FANCA: variants seen among roughly 807,000 people sequenced by gnomAD.
FANCA encodes FA complementation group A.
A neutral mutation model predicts 194.3 loss-of-function variants in FANCA; 236 were observed. That is an observed-to-expected ratio of 1.21 (90% CI 1.09 to 1.35). FANCA has a LOEUF of 1.35. Among genes scored for constraint, FANCA ranks in the 40% most tolerant of loss-of-function variants. The pLI, the probability that FANCA is intolerant of heterozygous loss-of-function variation, is 0.00. For missense variants in FANCA, 2,628 were observed against 1,813.9 expected, an observed-to-expected ratio of 1.45 and a Z score of -8.15; for synonymous variants, 1,014 against 715.8, an observed-to-expected ratio of 1.42 and a Z score of -6.65.
chr16:89,816,604 C>G lies in FANCA; in HGVS notation c.12G>C (p.Ser4=), dbSNP rs1009539881. ...GGCCCGAGGCGGAGTTCGGGACCCACGAGTCGGACATGGCCTTGGCGCCTA... is the reference window on the plus strand; with the variant it reads ...GGCCCGAGGCGGAGTTCGGGACCCAGGAGTCGGACATGGCCTTGGCGCCTA... MSD[S]WVPNSASGQD... The change falls in exon 1 of 43, where the codon TCG becomes TCC. Residue 4 remains serine, a synonymous_variant. Transcript: ENST00000389301. The G allele has an allele frequency of 5.9e-6, 9 of 1,526,130 alleles. No homozygotes were observed. Among genetic ancestry groups the G allele is most frequent in the East Asian group, 2.5e-5 (1 of 39,494 alleles). The allele number at this position is 1,526,130 out of a possible 1,614,324, so 94.5% of individuals were successfully genotyped here.
chr16:89,739,781 C>G, intron 39 of FANCA: 3 of 1,468,556 alleles, frequency 2.0e-6, no homozygotes, highest in South Asian at 1.4e-5. Context: ...GAGGCAGTCC[C>G]CATGATAGGC....
chr16:89,811,609 C>T (rs2040883094), intron 3 of FANCA, among the ~76,000 whole-genome samples: 1 of 152,164 alleles, frequency 6.6e-6, no homozygotes, highest in South Asian at 2.1e-4. Context: ...CAGGCAGCCA[C>T]CATTCTCCTG....
chr16:89,786,529 C>T (rs2039903810), intron 14 of FANCA, among the ~76,000 whole-genome samples: 1 of 152,118 alleles, frequency 6.6e-6, no homozygotes, highest in South Asian at 2.1e-4. Flanking sequence ...GTTGGCCAGG[C>T]TGGTCTCAAA....
chr16:89,741,119 A>C (rs1238470089), intron 37 of FANCA, among the ~76,000 whole-genome samples: 1 of 152,262 alleles, frequency 6.6e-6, no homozygotes, highest in Non-Finnish European at 1.5e-5. Flanking sequence ...AAGAGCCAGA[A>C]AGAGAAGACT....
chr16:89,805,908 G>A (rs1362179300), intron 6 of FANCA, among the ~76,000 whole-genome samples: 1 of 151,392 alleles, frequency 6.6e-6, no homozygotes, highest in Non-Finnish European at 1.5e-5. Flanking sequence ...TTGTTTTATG[G>A]CCTGAACCTT....
chr16:89,738,530 A>G lies in FANCA; in HGVS notation c.*71T>C. On this transcript the variant is annotated 3_prime_UTR_variant, in exon 43 of 43. Transcript: ENST00000389301. ...TTTGTAATCCACTTTTTAGTGCAACAAGAGCTCCATGTTATGCTTGTAATA... is the reference window on the plus strand; with the variant it reads ...TTTGTAATCCACTTTTTAGTGCAACGAGAGCTCCATGTTATGCTTGTAATA... 1 of 1,605,348 alleles carries G rather than the reference A, an allele frequency of 6.2e-7. No homozygotes were observed. Among genetic ancestry groups the G allele is most frequent in the Middle Eastern group, 2.2e-4 (1 of 4,572 alleles).
At chr16:89,770,508 G>C (rs2039286397) in intron 24 of FANCA, 56 bp downstream of exon 24, 1 of 1,502,666 alleles carries the variant, frequency 6.7e-7, no homozygotes, top group Admixed American at 1.9e-5. Flanking sequence ...ACTTGGCCCA[G>C]CAAGAGGTGG....
intron 26 of FANCA, among the ~76,000 whole-genome samples, chr16:89,768,524 T>C (rs2039207712): frequency 6.6e-6 from 1 of 152,010 alleles, no homozygotes; most frequent in African/African-American, 2.4e-5. Flanking sequence ...GGCATGGTGG[T>C]GCACACCTGT....
intron 28 of FANCA, among the ~76,000 whole-genome samples, chr16:89,763,358 T>C (rs978481201): frequency 6.6e-6 from 1 of 151,986 alleles, no homozygotes; most frequent in East Asian, 1.9e-4. Flanking sequence ...GAAGGATCAC[T>C]TTTTCCTATT....
chr16:89,790,881 G>A (rs566375348), intron 14 of FANCA, among the ~76,000 whole-genome samples: 47 of 151,820 alleles, frequency 3.1e-4, no homozygotes, highest in African/African-American at 7.7e-4. Context: ...CCAGGCTGGC[G>A]TACAGTGGTG....
At chr16:89,799,894 T>C (rs908654669) in intron 8 of FANCA, among the ~76,000 whole-genome samples, 12 of 152,286 alleles carry the variant, frequency 7.9e-5, no homozygotes, top group Admixed American at 3.3e-4. Context: ...CTCGGGAGGC[T>C]GAGGCAGGAG....
rs906196155 is a variant in FANCA at position 89,779,587 on chromosome 16, C to A, written c.1715+282G>T. On this transcript the variant is annotated intron_variant, in intron 18 of 42. Transcript: ENST00000389301. ...TTACAGAGGAAAAAATGTTTCACAG[C>A]AAATGCACAGCTCTTGACCTCACCC... Among the ~76,000 whole-genome samples the A allele has an allele frequency of 6.6e-5, 10 of 152,310 alleles. No homozygotes were observed. The East Asian group carries it at 1.9e-3, about 29-fold the overall frequency.
At chr16:89,787,159 T>A (rs576268451) in intron 14 of FANCA, among the ~76,000 whole-genome samples, 248 of 152,350 alleles carry the variant, frequency 1.6e-3, no homozygotes, top group African/African-American at 5.7e-3. Context: ...CTGGGTGCAG[T>A]GGCTCAATCC....
intron 8 of FANCA, among the ~76,000 whole-genome samples, chr16:89,799,968 C>T (rs1022511885): frequency 6.6e-6 from 1 of 152,082 alleles, no homozygotes; most frequent in Admixed American, 6.6e-5. Context: ...CAGTCCGGCC[C>T]GGGCGAAAGA....
Position 89,807,251 on chromosome 16 carries a change from G to T in FANCA, c.596+1043C>A, listed in dbSNP as rs957001017. On this transcript the variant is annotated intron_variant, in intron 6 of 42. Transcript: ENST00000389301. Reference sequence around the variant, plus strand: ...AGGCGGGAGGATCACAAGATCAGGAGTTCGAGACCAGCCTAGCCAACATGG... The same window carrying T: ...AGGCGGGAGGATCACAAGATCAGGATTTCGAGACCAGCCTAGCCAACATGG... Among the ~76,000 whole-genome samples the T allele has an allele frequency of 3.3e-5, 5 of 150,488 alleles. No individual in the cohort carries two copies. In the South Asian group the frequency reaches 1.1e-3, roughly 32 times the overall value.
rs2038969419 is a variant in FANCA, at chr16:89,762,012, T to C, written c.2789A>G (p.Gln930Arg). Residue 930 changes from glutamine (Q) to arginine (R), a missense_variant, in exon 29 of 43, where the codon CAA becomes CGA. By Grantham distance (43) the Gln-to-Arg change is conservative. Coordinates refer to ENST00000389301, the MANE Select transcript of FANCA (RefSeq NM_000135.4). ...TTCCAGCTCCAGGTGTAACCAGTCT[T>C]GGTAAGTTAACTGAGAAAGAGAGCA... ...LKEEDVHLTY[Q>R]DWLHLELEIQ... 6.2e-7 allele frequency: 1 copy of C among 1,613,544 alleles called. No individual in the cohort carries two copies. Among genetic ancestry groups the C allele is most frequent in the African/African-American group, 1.3e-5 (1 of 74,894 alleles).
In FANCA at chr16:89,779,896, T is replaced by TTCCCCGTATGC; in HGVS notation, c.1677_1687dup (p.Asn563SerfsTer46). 1 of 1,613,966 alleles carries TTCCCCGTATGC rather than the reference T, an allele frequency of 6.2e-7. No individual in the cohort carries two copies. Among genetic ancestry groups the TTCCCCGTATGC allele is most frequent in the Non-Finnish European group, 8.5e-7 (1 of 1,180,034 alleles). ...GGCCTCCATGACGGTGACTGGGATGTTCCCCGTATGCTCAAACACCATGAT... is the reference window on the plus strand; with the variant it reads ...GGCCTCCATGACGGTGACTGGGATGTTCCCCGTATGCTCCCCGTATGCTCAAACACCATGAT... On this transcript the variant is annotated frameshift_variant, in exon 18 of 43. Coordinates refer to ENST00000389301, the MANE Select transcript of FANCA (RefSeq NM_000135.4). LOFTEE classifies it high-confidence loss of function.
chr16:89,779,472 T>G (rs981431143), intron 18 of FANCA, among the ~76,000 whole-genome samples: 2 of 151,858 alleles, frequency 1.3e-5, no homozygotes, highest in African/African-American at 4.8e-5. Context: ...AAAAAAAACA[T>G]CATGGCCCCA....
Position 89,783,083 on chromosome 16 carries a change from G to T in FANCA, c.1490C>A (p.Pro497His), listed in dbSNP as rs769716206. 1 of 1,613,600 alleles carries T rather than the reference G, an allele frequency of 6.2e-7. No homozygotes were observed. Among genetic ancestry groups the T allele is most frequent in the Non-Finnish European group, 8.5e-7 (1 of 1,179,610 alleles). The change falls in exon 16 of 43, where the codon CCC becomes CAC. Residue 497 changes from proline (P) to histidine (H), a missense_variant. Transcript: ENST00000389301. Reference sequence around the variant, plus strand: ...GGAGCGGTACTTGCCGGGAACCAGGGGTGGGTGGAGAATGTGCACCTGAGG... The same window carrying T: ...GGAGCGGTACTTGCCGGGAACCAGGTGTGGGTGGAGAATGTGCACCTGAGG... ...RYLQVHILHP[P>H]LVPGKYRSLL...
Sources: gnomAD v4.1 joint callset for allele counts (sites outside exome capture counted in the v4.1 genomes callset) on GRCh38, gnomAD v4.1.1 for gene constraint, MANE v1.5 for transcripts, NCBI Gene and HGNC (gene_info 2026-07-23, HGNC 2026-07-21) for gene names.